The following LAMB2 variants were observed in gnomAD, a reference collection of about 807,000 sequenced individuals.
The protein encoded by LAMB2 is laminin subunit beta 2, also known as laminin subunit beta-2.
Under a neutral mutation model 202.7 loss-of-function variants are expected in LAMB2, and 119 were observed. The ratio of observed to expected loss-of-function variants is 0.59; its 90% CI spans 0.51 to 0.68. The LOEUF is 0.68. LAMB2 is among the 30% of genes least tolerant of loss of function. LAMB2 has a pLI of 0.00. For synonymous variants in LAMB2, 818 were observed against 902.2 expected (o/e 0.91, Z 1.67); for missense variants, 2,124 against 2,410.6 (o/e 0.88, Z 2.49).
In LAMB2 at chr3:49,131,537, C is replaced by T. The variant is rs368339529; in HGVS notation, c.646G>A (p.Glu216Lys). The T allele has an allele frequency of 6.0e-5, 97 of 1,613,882 alleles. No individual in the cohort carries two copies. The highest frequency in any genetic ancestry group is 7.4e-5 in the Non-Finnish European group (87 of 1,180,042). Residue 216 changes from glutamate to lysine, a missense_variant and splice_region_variant, in exon 5 of 32, where the codon GAG (glutamate) becomes AAG (lysine). By Grantham distance (56) the Glu-to-Lys change is moderately conservative. This residue lies in a region of LAMB2 where 256 missense variants were observed against 356.1 expected (regional missense o/e 0.72). Transcript: ENST00000305544. The surrounding 1 kb of genome is among the most constrained non-coding windows in gnomAD (Gnocchi z 5.0). ...CCAGCCCAGATGCCAGCCCTCACCT[C>T]GCCTTCAGTGGATGGCTCAATCTCT... The part of the protein sequence containing the change: ...YSEIEPSTEG[E>K]VIYRVLDPAI...
rs748767351 is a variant in LAMB2 at position 49,129,954 on chromosome 3, T to C, written c.1290A>G (p.Ala430=). The C allele has an allele frequency of 4.3e-6, 7 of 1,613,898 alleles. No individual in the cohort carries two copies. Among genetic ancestry groups the C allele is most frequent in the East Asian group, 4.5e-5 (2 of 44,898 alleles). ...GACACTGGCCGGAGACCAGTCCCAG[T>C]GCAGGGTCATCATGGGAATCACAGC... ...GGRCDSHDDP[A]LGLVSGQCRC... is the part of the protein sequence containing the mutation. Residue 430 remains alanine, a synonymous_variant, in exon 10 of 32, where the codon GCA becomes GCG. Coordinates refer to ENST00000305544, the MANE Select transcript of LAMB2 (RefSeq NM_002292.4). This position sits in a 1 kb window ranked among gnomAD's most constrained non-coding sequence, Gnocchi z 6.1.
chr3:49,124,731 G>A lies in LAMB2; in HGVS notation c.3079C>T (p.His1027Tyr), dbSNP rs1016091266. ...CAGCTCTGTCGGGCAGCCTGCCCAT[G>A]GAAGCCAGGCTTGCAGTGGGCACAG... ...PHCAHCKPGF[H>Y]GQAARQSCHR... The change falls in exon 21 of 32, where the codon CAT becomes TAT. Residue 1027 changes from histidine to tyrosine, a missense_variant. This residue lies in a region of LAMB2 where 1,702 missense variants were observed against 1,896.3 expected (regional missense o/e 0.90). Transcript: ENST00000305544. The A allele has an allele frequency of 6.2e-6, 10 of 1,614,082 alleles. No individual in the cohort carries two copies. The African/African-American group carries it at 1.2e-4, about 19-fold the overall frequency.
Position 49,126,139 on chromosome 3 carries a change from G to A in LAMB2, c.2172C>T (p.Val724=), listed in dbSNP as rs1426174191. 6.2e-7 allele frequency: 1 copy of A among 1,612,950 alleles called. No individual in the cohort carries two copies. Among genetic ancestry groups the A allele is most frequent in the Non-Finnish European group, 8.5e-7 (1 of 1,179,972 alleles). Residue 724 remains valine, a synonymous_variant, in exon 17 of 32, where the codon GTC becomes GTT. Transcript: ENST00000305544. ...LIDSLVLLPR[V]LVLEMFSGGD... ...CCCCACTAAACATCTCTAGCACCAG[G>A]ACACGGGGCAGCAGCACCAGCTGAA...
chr3:49,130,075 G>A lies in LAMB2; in HGVS notation c.1226-57C>T. 1.3e-6 allele frequency: 2 copies of A among 1,596,172 alleles called. No individual in the cohort carries two copies. The highest frequency in any genetic ancestry group is 1.3e-5 in the African/African-American group (1 of 74,716). On this transcript the variant is annotated intron_variant, in intron 9 of 31. Coordinates refer to ENST00000305544, the MANE Select transcript of LAMB2 (RefSeq NM_002292.4). This position sits in a 1 kb window ranked among gnomAD's most constrained non-coding sequence, Gnocchi z 5.0. Reference sequence around the variant, plus strand: ...CCCTATCTCAACTAGCTCACTGCCAGTCCTCTCCTAAGCCTAAGGGATCCC... The same window carrying A: ...CCCTATCTCAACTAGCTCACTGCCAATCCTCTCCTAAGCCTAAGGGATCCC...
chr3:49,129,853 C>T lies in LAMB2; in HGVS notation c.1391G>A (p.Arg464His), dbSNP rs188487818. The T allele has an allele frequency of 6.9e-5, 111 of 1,613,866 alleles. 2 individuals are homozygous for T. In the East Asian group the frequency reaches 1.2e-3, roughly 17 times the overall value. ...DGFFGLSISD[R>H]LGCRRCQCNA... ...GAGACACATACGCCGGCAGCCCAGA[C>T]GGTCACTGATGCTGAGCCCAAAGAA... Residue 464 changes from arginine to histidine, a missense_variant, in exon 10 of 32, where the codon CGT becomes CAT. Arg to His is a conservative substitution (Grantham distance 29, BLOSUM62 0). This residue lies in a region of LAMB2 where 1,702 missense variants were observed against 1,896.3 expected (regional missense o/e 0.90). Transcript: ENST00000305544. This position sits in a 1 kb window ranked among gnomAD's most constrained non-coding sequence, Gnocchi z 6.1.
Position 49,126,462 on chromosome 3 carries a change from G to A in LAMB2, c.2054C>T (p.Pro685Leu), listed in dbSNP as rs2045416630. Residue 685 changes from proline (P) to leucine (L), a missense_variant, in exon 16 of 32, where the codon CCT becomes CTT. Coordinates refer to ENST00000305544, the MANE Select transcript of LAMB2 (RefSeq NM_002292.4). ...CAGATGCAGCTTGTAGGAGATACCA[G>A]GCTCAAGGCAGACAGGATTAGGAAA... Reference protein sequence around the residue: ...LIFPNPVCLEPGISYKLHLKL... With the variant: ...LIFPNPVCLELGISYKLHLKL... 6.2e-7 allele frequency: 1 copy of A among 1,614,044 alleles called. No individual in the cohort carries two copies. Among genetic ancestry groups the A allele is most frequent in the African/African-American group, 1.3e-5 (1 of 74,914 alleles).
Position 49,122,939 on chromosome 3 carries a change from C to T in LAMB2, c.4338G>A (p.Ala1446=), listed in dbSNP as rs549450963. 3.4e-5 allele frequency: 55 copies of T among 1,608,932 alleles called. No homozygotes were observed. In the South Asian group the frequency reaches 4.0e-4, roughly 12 times the overall value. ...RCGGLSCNGA[A]ATADLALGRA... is the part of the protein sequence containing the mutation. ...GGCCCAGTGCTAGGTCTGCTGTAGCCGCTGCCCCATTGCAGCTGAGGCCCC... is the reference window on the plus strand; with the variant it reads ...GGCCCAGTGCTAGGTCTGCTGTAGCTGCTGCCCCATTGCAGCTGAGGCCCC... Residue 1446 remains alanine (A), a synonymous_variant, in exon 27 of 32, where the codon GCG becomes GCA. Transcript: ENST00000305544.
In LAMB2 at chr3:49,130,512, G is replaced by T; in HGVS notation, c.1037-93C>A. Reference sequence around the variant, plus strand: ...CACCTTAGATCCCTATCACAGGCCAGAATTTGTGGGTAGGGGCTCAGGGAC... The same window carrying T: ...CACCTTAGATCCCTATCACAGGCCATAATTTGTGGGTAGGGGCTCAGGGAC... On this transcript the variant is annotated intron_variant, in intron 8 of 31. Coordinates refer to ENST00000305544, the MANE Select transcript of LAMB2 (RefSeq NM_002292.4). This position sits in a 1 kb window ranked among gnomAD's most constrained non-coding sequence, Gnocchi z 5.0. 1 of 1,491,608 alleles carries T rather than the reference G, an allele frequency of 6.7e-7. No homozygotes were observed. Among genetic ancestry groups the T allele is most frequent in the Non-Finnish European group, 9.3e-7 (1 of 1,072,950 alleles). 92.4% of individuals were successfully genotyped at this position (1,491,608 alleles called of 1,614,324 possible).
In LAMB2 at chr3:49,121,979, C is replaced by A; in HGVS notation, c.4888G>T (p.Ala1630Ser). 1.2e-6 allele frequency: 2 copies of A among 1,613,974 alleles called. No homozygotes were observed. The highest frequency in any genetic ancestry group is 1.7e-6 in the Non-Finnish European group (2 of 1,180,040). Residue 1630 changes from alanine (A) to serine (S), a missense_variant, in exon 29 of 32, where the codon GCT becomes TCT. This residue lies in a region of LAMB2 where 1,702 missense variants were observed against 1,896.3 expected (regional missense o/e 0.90). Coordinates refer to ENST00000305544, the MANE Select transcript of LAMB2 (RefSeq NM_002292.4). The part of the protein sequence containing the change: ...IAQGAIRGAV[A>S]DTRDTEQTLY... ...GTCTGCTCTGTGTCCCGTGTGTCAG[C>A]CACTGCCCCCCGGATGGCACCCTGG...
chr3:49,127,308 AC>A (rs2045425457), intron 15 of LAMB2, among the ~76,000 whole-genome samples: 1 of 152,138 alleles, frequency 6.6e-6, no homozygotes, highest in African/African-American at 2.4e-5. Context: ...TTTTCTAAAC[AC>A]AAGTCACAGT....
In LAMB2 at chr3:49,131,150, G is replaced by C. The variant is rs1422612510; in HGVS notation, c.715C>G (p.Leu239Val). 1 of 1,613,440 alleles carries C rather than the reference G, an allele frequency of 6.2e-7. No homozygotes were observed. Among genetic ancestry groups the C allele is most frequent in the South Asian group, 1.1e-5 (1 of 91,070 alleles). Residue 239 changes from leucine (L) to valine (V), a missense_variant and splice_region_variant, in exon 7 of 32, where the codon CTG becomes GTG. This residue lies in a region of LAMB2 where 256 missense variants were observed against 356.1 expected (regional missense o/e 0.72). Transcript: ENST00000305544. This position sits in a 1 kb window ranked among gnomAD's most constrained non-coding sequence, Gnocchi z 5.0. Reference sequence around the variant, plus strand: ...ACCCGTAGGTTGGTGATCTTCAACAGGTCTGAGGCGGGGGAAGGGGGGCCA... The same window carrying C: ...ACCCGTAGGTTGGTGATCTTCAACACGTCTGAGGCGGGGGAAGGGGGGCCA... Reference protein sequence around the residue: ...PDPYSSRIQNLLKITNLRVNL... With the variant: ...PDPYSSRIQNVLKITNLRVNL...
intron 19 of LAMB2, 26 bp from the exon 20 acceptor site, chr3:49,125,195 T>C (rs2045398587): frequency 6.2e-7 from 1 of 1,613,362 alleles, no homozygotes; most frequent in Admixed American, 1.7e-5. Flanking sequence ...AGAAGAAATG[T>C]GTCATCCCTG....
At position 49,129,109 on chromosome 3, in the gene LAMB2, C is replaced by T. The variant is rs774356289; in HGVS notation, c.1642G>A (p.Val548Ile). Residue 548 changes from valine to isoleucine, a missense_variant, in exon 13 of 32, where the codon GTT becomes ATT. Around this residue, in one of 3 missense-constraint regions of LAMB2, gnomAD observed 1,702 missense variants for 1,896.3 expected, o/e 0.90. Transcript: ENST00000305544. The surrounding 1 kb of genome is among the most constrained non-coding windows in gnomAD (Gnocchi z 6.1). ...TGQCHCRQHM[V>I]GRRCEQVQPG... ...TGCACCTGCTCACAGCGTCGCCCAA[C>T]CATGTGCTGGCGGCAGTGGCATTGA... The T allele has an allele frequency of 6.2e-7, 1 of 1,614,080 alleles. No homozygotes were observed. The highest frequency in any genetic ancestry group is 1.1e-5 in the South Asian group (1 of 91,090).
At position 49,122,174 on chromosome 3, in the gene LAMB2, T is replaced by G; in HGVS notation, c.4770A>C (p.Ala1590=). 1.2e-6 allele frequency: 2 copies of G among 1,613,592 alleles called. No homozygotes were observed. Among genetic ancestry groups the G allele is most frequent in the Non-Finnish European group, 1.7e-6 (2 of 1,180,038 alleles). ...VRRAEQLLQD[A]RRARSWAEDE... ...GGATGGGGTCAGACCTTGCCCGCCG[T>G]GCATCCTGCAGTAGCTGCTCGGCAC... The change falls in exon 28 of 32, where the codon GCA becomes GCC. Residue 1590 remains alanine (A), a synonymous_variant. Transcript: ENST00000305544.
Position 49,122,150 on chromosome 3 carries a change from G to A in LAMB2, c.4781+13C>T. 1 of 1,613,524 alleles carries A rather than the reference G, an allele frequency of 6.2e-7. No homozygotes were observed. Among genetic ancestry groups the A allele is most frequent in the Non-Finnish European group, 8.5e-7 (1 of 1,180,008 alleles). On this transcript the variant is annotated intron_variant, in intron 28 of 31. Transcript: ENST00000305544. ...CCAGGTGTCAGGGATAGGGGCCAGG[G>A]ATGGGGTCAGACCTTGCCCGCCGTG...
rs1051360734 is a variant in LAMB2, at chr3:49,132,821, C to G, written c.47G>C (p.Trp16Ser). The change falls in exon 1 of 32, where the codon TGG (tryptophan) becomes TCG (serine). Residue 16 changes from tryptophan (W) to serine (S), a missense_variant. Physicochemically the swap from Trp to Ser is radical, Grantham distance 177 (BLOSUM62 -3). Around this residue, in one of 3 missense-constraint regions of LAMB2, gnomAD observed 166 missense variants for 158.2 expected, o/e 1.05. Transcript: ENST00000305544. This position sits in a 1 kb window ranked among gnomAD's most constrained non-coding sequence, Gnocchi z 4.6. The part of the protein sequence containing the change: ...RERGRGQPLP[W>S]ELRLGLLLSV... ...TAGCAGTAGGCCCAGTCGAAGTTCCCAGGGCAGAGGCTGTCCCCTCCCTCT... is the reference window on the plus strand; with the variant it reads ...TAGCAGTAGGCCCAGTCGAAGTTCCGAGGGCAGAGGCTGTCCCCTCCCTCT... 11 of 1,614,068 alleles carry G rather than the reference C, an allele frequency of 6.8e-6. No homozygotes were observed. In the Admixed American group the frequency reaches 1.5e-4, roughly 22 times the overall value.
rs2045495998 is a variant in LAMB2, at chr3:49,132,700, T to C, written c.77-37A>G. 6.2e-7 allele frequency: 1 copy of C among 1,614,052 alleles called. No individual in the cohort carries two copies. The highest frequency in any genetic ancestry group is 1.3e-5 in the African/African-American group (1 of 75,050). On this transcript the variant is annotated intron_variant, in intron 1 of 31. Coordinates refer to ENST00000305544, the MANE Select transcript of LAMB2 (RefSeq NM_002292.4). The surrounding 1 kb of genome is among the most constrained non-coding windows in gnomAD (Gnocchi z 4.6). ...AGCTCAGTCAGTTCCGCTGAGTTCC[T>C]ATCCAGTGGCTCCACCTCATGTGCC...
In LAMB2 at chr3:49,131,579, A is replaced by G; in HGVS notation, c.604T>C (p.Cys202Arg). The change falls in exon 5 of 32, where the codon TGT becomes CGT. Residue 202 changes from cysteine (C) to arginine (R), a missense_variant. Around this residue, in one of 3 missense-constraint regions of LAMB2, gnomAD observed 256 missense variants for 356.1 expected, o/e 0.72. Transcript: ENST00000305544. The surrounding 1 kb of genome is among the most constrained non-coding windows in gnomAD (Gnocchi z 5.0). ...APPRHWDDVV[C>R]ESRYSEIEPS... ...TCAATCTCTGAGTAGCGGGACTCACAGACTACATCATCCCAGTGCCGTGGG... is the reference window on the plus strand; with the variant it reads ...TCAATCTCTGAGTAGCGGGACTCACGGACTACATCATCCCAGTGCCGTGGG... The G allele has an allele frequency of 6.2e-7, 1 of 1,613,924 alleles. No homozygotes were observed. The highest frequency in any genetic ancestry group is 8.5e-7 in the Non-Finnish European group (1 of 1,180,036).
At position 49,128,645 on chromosome 3, in the gene LAMB2, G is replaced by C; in HGVS notation, c.1890+16C>G. ...CACCCAGAGGTTCAGCCCCAGATTA[G>C]ATAACAGGGTCTAACCTGGGGCTCT... On this transcript the variant is annotated intron_variant, in intron 14 of 31. Transcript: ENST00000305544. The C allele has an allele frequency of 6.2e-7, 1 of 1,614,192 alleles. No individual in the cohort carries two copies. Among genetic ancestry groups the C allele is most frequent in the Non-Finnish European group, 8.5e-7 (1 of 1,180,028 alleles).
Sources: gnomAD v4.1 joint callset for allele counts (sites outside exome capture counted in the v4.1 genomes callset) on GRCh38, gnomAD v4.1.1 for gene constraint, gnomAD v4.1.1 regional missense constraint, Gnocchi (gnomAD v3.1) non-coding constraint, MANE v1.5 for transcripts, NCBI Gene and HGNC (gene_info 2026-07-23, HGNC 2026-07-21) for gene names.